FMO2: variants seen among roughly 807,000 people sequenced by gnomAD.
FMO2 encodes flavin containing dimethylaniline monoxygenase 2.
In FMO2, 33 loss-of-function variants were observed where a neutral mutation model predicts 41.6. That is an observed-to-expected ratio of 0.79 (90% CI 0.60 to 1.06). The LOEUF is 1.06. Among genes scored for constraint, FMO2 ranks in the 50% least tolerant of loss-of-function variants. The probability of loss-of-function intolerance (pLI) is 0.00; values close to 1 mark genes in which losing one functional copy is unlikely to be tolerated. For missense variants in FMO2, 619 were observed against 632.9 expected, an observed-to-expected ratio of 0.98 and a Z score of 0.23; for synonymous variants, 214 against 219.6, an observed-to-expected ratio of 0.97 and a Z score of 0.23.
chr1:171,203,871 A>G lies in FMO2; in HGVS notation c.634A>G (p.Ile212Val), dbSNP rs1327170512. The G allele has an allele frequency of 4.3e-6, 7 of 1,613,192 alleles. No individual in the cohort carries two copies. Among genetic ancestry groups the G allele is most frequent in the Non-Finnish European group, 5.9e-6 (7 of 1,179,554 alleles). ...ATTTCTTTTTGCTTGCCAGGTTTTT[A>G]TCAGCACCAGGCATGGCACCTGGGT... ...ELSKNAAQVF[I>V]STRHGTWVMS... The change falls in exon 6 of 9, where the codon ATC becomes GTC. Residue 212 changes from isoleucine (I) to valine (V), a missense_variant. Ile to Val is a conservative substitution (Grantham distance 29, BLOSUM62 3). Coordinates refer to ENST00000209929, the MANE Select transcript of FMO2 (RefSeq NM_001460.5).
intron 5 of FMO2, 80 bp from the exon 6 acceptor site, chr1:171,203,785 G>A (rs1362572784): frequency 8.2e-7 from 1 of 1,223,830 alleles, no homozygotes; most frequent in African/African-American, 1.5e-5. Flanking sequence ...GGCTACACAT[G>A]TGATACATGA....
intron 8 of FMO2, 149 bp downstream of exon 8, chr1:171,207,939 C>A (rs895639832): frequency 1.5e-5 from 9 of 608,170 alleles, no homozygotes; most frequent in Non-Finnish European, 2.6e-5. Context: ...GTGTGTGAGG[C>A]TAAAAAGTTG....
At chr1:171,196,291 G>A (rs1246359697) in intron 3 of FMO2, among the ~76,000 whole-genome samples, 2 of 152,202 alleles carry the variant, frequency 1.3e-5, no homozygotes, top group African/African-American at 4.8e-5. Flanking sequence ...GACAGTTACT[G>A]AGCAGATGTT....
At chr1:171,189,191 C>T (rs956001799) in intron 2 of FMO2, among the ~76,000 whole-genome samples, 1 of 149,578 alleles carries the variant, frequency 6.7e-6, no homozygotes, top group African/African-American at 2.5e-5. Flanking sequence ...ACCTTGTATT[C>T]ACGTGGGAGT....
Position 171,196,727 on chromosome 1 carries a change from A to G in FMO2, c.400A>G (p.Lys134Glu). 6.2e-7 allele frequency: 1 copy of G among 1,613,706 alleles called. No individual in the cohort carries two copies. The highest frequency in any genetic ancestry group is 8.5e-7 in the Non-Finnish European group (1 of 1,179,880). ...GAAGGTTGTCACTCAGAGCAACGGCAAGGAGCAGAGTGCTGTCTTTGACGC... is the reference window on the plus strand; with the variant it reads ...GAAGGTTGTCACTCAGAGCAACGGCGAGGAGCAGAGTGCTGTCTTTGACGC... ...QWKVVTQSNG[K>E]EQSAVFDAVM... The change falls in exon 4 of 9, where the codon AAG (lysine) becomes GAG (glutamate). Residue 134 changes from lysine (K) to glutamate (E), a missense_variant. By Grantham distance (56) the Lys-to-Glu change is moderately conservative. Transcript: ENST00000209929.
intron 5 of FMO2, among the ~76,000 whole-genome samples, chr1:171,200,305 C>T (rs1658480952): frequency 6.6e-6 from 1 of 152,146 alleles, no homozygotes; most frequent in Non-Finnish European, 1.5e-5. Context: ...CACGATGATG[C>T]TGCTGATAGT....
chr1:171,191,281 A>C (rs1173950782), intron 2 of FMO2, among the ~76,000 whole-genome samples: 2 of 152,192 alleles, frequency 1.3e-5, no homozygotes, highest in African/African-American at 4.8e-5. Flanking sequence ...GGCCTCAGAC[A>C]TCAAATCAGT....
chr1:171,201,178 A>C (rs1658520267), intron 5 of FMO2, among the ~76,000 whole-genome samples: 2 of 152,072 alleles, frequency 1.3e-5, no homozygotes, highest in Admixed American at 6.5e-5. Flanking sequence ...TCCCTCTATC[A>C]GTGTAAATGC....
At chr1:171,194,684 G>A (rs1465062744) in intron 3 of FMO2, among the ~76,000 whole-genome samples, 3 of 152,144 alleles carry the variant, frequency 2.0e-5, no homozygotes, top group Non-Finnish European at 1.5e-5. Context: ...GCTTGAGCCT[G>A]GGAGGTCAAA....
intron 2 of FMO2, among the ~76,000 whole-genome samples, chr1:171,191,715 A>G (rs1261781693): frequency 1.3e-5 from 2 of 151,844 alleles, no homozygotes; most frequent in African/African-American, 2.4e-5. Context: ...TTTACTCTAT[A>G]CTACTCATAA....
chr1:171,188,198 C>A (rs1461657487), intron 2 of FMO2, among the ~76,000 whole-genome samples: 3 of 151,990 alleles, frequency 2.0e-5, no homozygotes, highest in African/African-American at 7.2e-5. Context: ...TTATTGTCAG[C>A]AAAAGAGATG....
chr1:171,193,450 A>G lies in FMO2; in HGVS notation c.248A>G (p.His83Arg), dbSNP rs1339425386. 3 of 1,612,458 alleles carry G rather than the reference A, an allele frequency of 1.9e-6. No homozygotes were observed. The highest frequency in any genetic ancestry group is 4.5e-5 in the East Asian group (2 of 44,846). Reference sequence around the variant, plus strand: ...CCTGAAGATTTTCCAAACTTCCTGCATAATTCTAAACTTCTGGAATATTTC... The same window carrying G: ...CCTGAAGATTTTCCAAACTTCCTGCGTAATTCTAAACTTCTGGAATATTTC... The part of the protein sequence containing the change: ...PMPEDFPNFL[H>R]NSKLLEYFRI... The change falls in exon 3 of 9, where the codon CAT becomes CGT. Residue 83 changes from histidine (H) to arginine (R), a missense_variant. His to Arg is a conservative substitution (Grantham distance 29). Coordinates refer to ENST00000209929, the MANE Select transcript of FMO2 (RefSeq NM_001460.5).
intron 6 of FMO2, among the ~76,000 whole-genome samples, chr1:171,205,056 C>T (rs529866254): frequency 1.3e-5 from 2 of 152,320 alleles, no homozygotes; most frequent in East Asian, 3.9e-4. Context: ...ATCTCTTTCA[C>T]TCACGTTGCC....
At position 171,199,404 on chromosome 1, in the gene FMO2, AT is replaced by A. The variant is rs772570558; in HGVS notation, c.546del (p.Phe182LeufsTer8). On this transcript the variant is annotated frameshift_variant, in exon 5 of 9. Transcript: ENST00000209929. LOFTEE classifies it high-confidence loss of function. ...GCCGCCAATACAAGCATCCAGATGG[AT>A]TTGAGGGAAAACGCATCCTGGTGAT... The part of the protein sequence containing the change: ...HSRQYKHPDG[F>X]EGKRILVIGM... 3 of 1,612,472 alleles carry A rather than the reference AT, an allele frequency of 1.9e-6. No homozygotes were observed. The South Asian group carries it at 3.3e-5, about 18-fold the overall frequency.
chr1:171,205,882 G>C (rs1658741605), intron 7 of FMO2, among the ~76,000 whole-genome samples: 1 of 152,236 alleles, frequency 6.6e-6, no homozygotes, highest in South Asian at 2.1e-4. Flanking sequence ...ATTTCAACTG[G>C]CATAAAGCTA....
chr1:171,212,540 AT>A lies in FMO2; in HGVS notation c.*3401del, dbSNP rs563369760. Among the ~76,000 whole-genome samples, 58 of 152,134 alleles carry A rather than the reference AT, an allele frequency of 3.8e-4. No homozygotes were observed. The highest frequency in any genetic ancestry group is 1.3e-3 in the African/African-American group (55 of 41,510). On this transcript the variant is annotated 3_prime_UTR_variant, in exon 9 of 9. Coordinates refer to ENST00000209929, the MANE Select transcript of FMO2 (RefSeq NM_001460.5). ...CTATTCCCTTTATGATAGTTTCTTA[AT>A]TTTTTCTATCAAAAGCTAAATATGG...
At chr1:171,190,442 T>C (rs1658032309) in intron 2 of FMO2, among the ~76,000 whole-genome samples, 1 of 152,206 alleles carries the variant, frequency 6.6e-6, no homozygotes, top group Non-Finnish European at 1.5e-5. Context: ...CAGGCAGTAG[T>C]AGTACTTAAG....
chr1:171,208,785 T>G lies in FMO2; in HGVS notation c.1257-9T>G. 6.2e-7 allele frequency: 1 copy of G among 1,612,568 alleles called. No homozygotes were observed. Among genetic ancestry groups the G allele is most frequent in the Non-Finnish European group, 8.5e-7 (1 of 1,179,398 alleles). On this transcript the variant is annotated splice_polypyrimidine_tract_variant and intron_variant, in intron 8 of 8. Coordinates refer to ENST00000209929, the MANE Select transcript of FMO2 (RefSeq NM_001460.5). The stretch of plus-strand genomic sequence containing the variant: ...CTGTGAACATTCCCTTTTTACTTTC[T>G]TCACTAAGGTTTGGAGAAAGCCAGA...
In FMO2 at chr1:171,208,891, C is replaced by T; in HGVS notation, c.1354C>T (p.Leu452Phe). 1.2e-6 allele frequency: 2 copies of T among 1,614,032 alleles called. No individual in the cohort carries two copies. The highest frequency in any genetic ancestry group is 1.7e-6 in the Non-Finnish European group (2 of 1,179,930). ...EIGAKPDFCS[L>F]LFKDPKLAVR... ...AGGTGCGAAGCCAGATTTCTGCTCT[C>T]TCTTGTTCAAAGATCCTAAACTGGC... The change falls in exon 9 of 9, where the codon CTC becomes TTC. Residue 452 changes from leucine (L) to phenylalanine (F), a missense_variant. Leu to Phe is a conservative substitution (Grantham distance 22, BLOSUM62 0). Transcript: ENST00000209929.
Sources: gnomAD v4.1 joint callset for allele counts (sites outside exome capture counted in the v4.1 genomes callset) on GRCh38, gnomAD v4.1.1 for gene constraint, MANE v1.5 for transcripts, NCBI Gene and HGNC (gene_info 2026-07-23, HGNC 2026-07-21) for gene names.